UBE2U: variants seen among roughly 807,000 people sequenced by gnomAD.
UBE2U encodes the protein ubiquitin conjugating enzyme E2 U, also known as ubiquitin-conjugating enzyme E2 U.
A neutral mutation model predicts 41.2 loss-of-function variants in UBE2U; 39 were observed. That is an observed-to-expected ratio of 0.95 (90% confidence interval 0.73 to 1.24). UBE2U has a LOEUF of 1.24. Ranked by LOEUF, UBE2U falls within the 50% of genes most tolerant of loss-of-function variation. The pLI, the probability that UBE2U is intolerant of heterozygous loss-of-function variation, is 0.00. For missense variants in UBE2U, 336 were observed against 363.1 expected (o/e 0.93, Z 0.61); for synonymous variants, 107 against 117.8 (o/e 0.91, Z 0.60).
chr1:64,234,204 T>G (rs1644624789), intron 7 of UBE2U, among the ~76,000 whole-genome samples: 2 of 152,234 alleles, frequency 1.3e-5, no homozygotes, highest in Admixed American at 1.3e-4. Flanking sequence ...CATCTCATAT[T>G]CAAGATATCT....
intron 6 of UBE2U, among the ~76,000 whole-genome samples, chr1:64,226,985 A>C (rs1042419842): frequency 2.0e-5 from 3 of 152,238 alleles, no homozygotes; most frequent in Non-Finnish European, 4.4e-5. Flanking sequence ...TTCAAACATC[A>C]ATTTGTTTAA....
Position 64,232,595 on chromosome 1 carries a change from C to G in UBE2U, c.541C>G (p.Gln181Glu). The change falls in exon 7 of 10, where the codon CAG (glutamine) becomes GAG (glutamate). Residue 181 changes from glutamine (Q) to glutamate (E), a missense_variant. Coordinates refer to ENST00000371077, the MANE Select transcript of UBE2U (RefSeq NM_001366232.2). ...IKTTSFSDYYQTWSRIATSKA... is the reference protein window; with the variant it reads ...IKTTSFSDYYETWSRIATSKA... ...AACAACCTCATTTAGTGATTACTACCAGACATGGTCCAGAATAGCTACATC... is the reference window on the plus strand; with the variant it reads ...AACAACCTCATTTAGTGATTACTACGAGACATGGTCCAGAATAGCTACATC... 2 of 1,613,394 alleles carry G rather than the reference C, an allele frequency of 1.2e-6. No homozygotes were observed. Among genetic ancestry groups the G allele is most frequent in the Non-Finnish European group, 1.7e-6 (2 of 1,179,636 alleles).
At chr1:64,234,530 A>C (rs1055091017) in intron 7 of UBE2U, among the ~76,000 whole-genome samples, 1 of 152,216 alleles carries the variant, frequency 6.6e-6, no homozygotes, top group African/African-American at 2.4e-5. Context: ...AAAAAATAGT[A>C]CTAAGCTTAA....
At chr1:64,213,087 T>C (rs1424582736) in intron 4 of UBE2U, among the ~76,000 whole-genome samples, 1 of 152,170 alleles carries the variant, frequency 6.6e-6, no homozygotes, top group African/African-American at 2.4e-5. Flanking sequence ...CTCCTGTTTT[T>C]CAGTTTAAAA....
intron 5 of UBE2U, among the ~76,000 whole-genome samples, chr1:64,219,825 CCTGACCTCATAAT>C (rs1353445514): frequency 6.6e-6 from 1 of 152,150 alleles, no homozygotes; most frequent in Non-Finnish European, 1.5e-5. Flanking sequence ...GTCTCGATCT[CCTGACCTCATAAT>C]CTGCCTGCCT....
Position 64,229,101 on chromosome 1 carries a change from T to G in UBE2U, c.507-3460T>G, listed in dbSNP as rs147625840. 2.5e-3 allele frequency among the ~76,000 whole-genome samples: 375 copies of G among 152,152 alleles called. 12 individuals carry two copies. The East Asian group carries it at 0.065, about 26-fold the overall frequency. ...GTCGCGATCTCCTGACCTCATGATC[T>G]GCCCGCCTCAGCTTCCCAAAGTGCT... On this transcript the variant is annotated intron_variant, in intron 6 of 9. Coordinates refer to ENST00000371077, the MANE Select transcript of UBE2U (RefSeq NM_001366232.2).
At chr1:64,234,257 CT>C (rs1273292451) in intron 7 of UBE2U, among the ~76,000 whole-genome samples, 1 of 152,128 alleles carries the variant, frequency 6.6e-6, no homozygotes, top group East Asian at 1.9e-4. Context: ...ATCTTTCTTC[CT>C]TTATTCCCTC....
chr1:64,226,273 A>G (rs1409641806), intron 6 of UBE2U, among the ~76,000 whole-genome samples: 1 of 152,230 alleles, frequency 6.6e-6, no homozygotes, highest in Non-Finnish European at 1.5e-5. Context: ...ACAAAAGAGT[A>G]CATACTATGT....
intron 5 of UBE2U, chr1:64,215,418 G>A (rs750688011): frequency 1.3e-5 from 2 of 153,118 alleles, no homozygotes; most frequent in Admixed American, 1.3e-4. Context: ...AAACCAATCA[G>A]TGTGATCCTT....
In UBE2U at chr1:64,220,612, G is replaced by A. The variant is rs546212836; in HGVS notation, c.458-247G>A. On this transcript the variant is annotated intron_variant, in intron 5 of 9. Coordinates refer to ENST00000371077, the MANE Select transcript of UBE2U (RefSeq NM_001366232.2). ...TGAAGTGCGAATCCATTTGCTTTTC[G>A]TTGGTCTCCTCTCATCAAGCAGTTT... 4.6e-5 allele frequency among the ~76,000 whole-genome samples: 7 copies of A among 151,910 alleles called. No homozygotes were observed. In the South Asian group the frequency reaches 1.2e-3, roughly 27 times the overall value.
At chr1:64,221,928 T>A (rs1652502279) in intron 6 of UBE2U, among the ~76,000 whole-genome samples, 1 of 151,086 alleles carries the variant, frequency 6.6e-6, no homozygotes, top group Non-Finnish European at 1.5e-5. Context: ...TACTAAAAAA[T>A]ACAAAAAAAT....
intron 3 of UBE2U, among the ~76,000 whole-genome samples, chr1:64,207,957 A>G (rs1651406020): frequency 6.6e-6 from 1 of 152,250 alleles, no homozygotes; most frequent in Non-Finnish European, 1.5e-5. Context: ...CAATATAAAA[A>G]GAACATAAAG....
At chr1:64,212,204 T>G (rs140153150) in intron 4 of UBE2U, among the ~76,000 whole-genome samples, 49 of 152,244 alleles carry the variant, frequency 3.2e-4, no homozygotes, top group Non-Finnish European at 5.1e-4. Context: ...TATGCAGAAA[T>G]CTGGGGTTAA....
intron 4 of UBE2U, among the ~76,000 whole-genome samples, chr1:64,214,603 T>C (rs1459326032): frequency 2.0e-5 from 3 of 152,174 alleles, no homozygotes; most frequent in African/African-American, 7.2e-5. Flanking sequence ...TGCTTTTTGA[T>C]CTATCACAGT....
intron 8 of UBE2U, among the ~76,000 whole-genome samples, chr1:64,245,833 G>T (rs551741473): frequency 6.6e-6 from 1 of 152,078 alleles, no homozygotes; most frequent in Non-Finnish European, 1.5e-5. Context: ...AACCCCTGAC[G>T]CCCCAGACAT....
intron 8 of UBE2U, among the ~76,000 whole-genome samples, chr1:64,254,630 G>C (rs1459963485): frequency 6.6e-6 from 1 of 152,138 alleles, no homozygotes; most frequent in Non-Finnish European, 1.5e-5. Flanking sequence ...AATGGAAATT[G>C]AGCAACCTGC....
chr1:64,205,062 A>T (rs1651208844), intron 1 of UBE2U, among the ~76,000 whole-genome samples: 1 of 152,204 alleles, frequency 6.6e-6, no homozygotes, highest in African/African-American at 2.4e-5. Context: ...CTTAATAACT[A>T]TGTGGATGCT....
chr1:64,221,368 C>T (rs977747927), intron 6 of UBE2U, among the ~76,000 whole-genome samples: 4 of 152,206 alleles, frequency 2.6e-5, no homozygotes, highest in Non-Finnish European at 5.9e-5. Context: ...CCGCCTCGGC[C>T]TCCCAAAGTG....
intron 4 of UBE2U, 139 bp from the exon 5 acceptor site, chr1:64,214,676 T>C: frequency 3.1e-6 from 2 of 643,004 alleles, no homozygotes; most frequent in East Asian, 5.5e-5. Context: ...ATGTCTCATG[T>C]TATTTTTTAA....
Sources: allele counts gnomAD v4.1 joint callset (sites outside exome capture counted in the v4.1 genomes callset), GRCh38; gene constraint gnomAD v4.1.1; transcripts MANE v1.5; gene names NCBI Gene and HGNC (gene_info 2026-07-23, HGNC 2026-07-21).